NOMO2: variants seen among roughly 807,000 people sequenced by gnomAD.
NOMO2 encodes NODAL modulator 2.
NOMO2 carries 14 observed loss-of-function variants against 67.1 expected under a neutral mutation model. That is an observed-to-expected ratio of 0.21 (90% CI 0.14 to 0.33). The LOEUF (loss-of-function observed/expected upper bound fraction) is 0.33. NOMO2 is among the 10% of genes least tolerant of loss of function. The probability of loss-of-function intolerance (pLI) is 1.00; values close to 1 mark genes in which losing one functional copy is unlikely to be tolerated. For synonymous variants in NOMO2, 80 were observed against 305.9 expected (o/e 0.26, Z 7.71); for missense variants, 178 against 761.0 (o/e 0.23, Z 9.01).
At chr16:18,539,600 T>C (rs544032023) in intron 9 of NOMO2, among the ~76,000 whole-genome samples, 28 of 151,906 alleles carry the variant, frequency 1.8e-4, no homozygotes, top group African/African-American at 6.3e-4. Flanking sequence ...CCACTAAAAA[T>C]ACAAAAATTA....
At chr16:18,560,541 T>C (rs998110731) in intron 1 of NOMO2, among the ~76,000 whole-genome samples, 2 of 151,592 alleles carry the variant, frequency 1.3e-5, no homozygotes, top group African/African-American at 4.9e-5. Context: ...CCCAGAAACA[T>C]GTACCCAGGA....
intron 1 of NOMO2, among the ~76,000 whole-genome samples, chr16:18,561,173 TAAAAAAAAAAAAAAAAAA>T (rs756246897): frequency 1.5e-4 from 5 of 32,454 alleles, no homozygotes; most frequent in Admixed American, 5.4e-4. Context: ...ACAACTTAAT[TAAAAAAAAAAAAAAAAAA>T]AAAAAAAAAA....
Position 18,561,859 on chromosome 16 carries a change from G to A in NOMO2, c.165+17C>T. On this transcript the variant is annotated intron_variant, in intron 1 of 30. Transcript: ENST00000622306. ...CGGCCCGGCGACTCGGCGCCGGGCG[G>A]CGGGGCGGGCGCTCACCTCGATGAG... is the stretch of plus-strand genomic sequence containing the variant. 2 of 1,544,994 alleles carry A rather than the reference G, an allele frequency of 1.3e-6. No homozygotes were observed. The highest frequency in any genetic ancestry group is 4.9e-5 in the East Asian group (2 of 40,480).
In NOMO2 at chr16:18,547,811, G is replaced by C. The variant is rs968175953; in HGVS notation, c.510-511C>G. Among the ~76,000 whole-genome samples the C allele has an allele frequency of 1.0e-3, 152 of 151,372 alleles. 4 individuals are homozygous for C. Among genetic ancestry groups the C allele is most frequent in the Non-Finnish European group, 1.9e-3 (129 of 67,830 alleles). ...AAACTATGACAAGCTTTGAATCCCA[G>C]AAAAAAGGCTTTAGAGAAACACAGA... On this transcript the variant is annotated intron_variant, in intron 5 of 30. Coordinates refer to ENST00000622306, the MANE Select transcript of NOMO2 (RefSeq NM_173614.4).
chr16:18,529,472 A>G (rs1489148118), intron 15 of NOMO2, 29 bp downstream of exon 15: 1 of 1,611,394 alleles, frequency 6.2e-7, no homozygotes, highest in Non-Finnish European at 8.5e-7. Context: ...GCGCTTTTCC[A>G]AATAAGAGAC....
In NOMO2 at chr16:18,531,617, C is replaced by T. The variant is rs547845028; in HGVS notation, c.1396-10G>A. On this transcript the variant is annotated splice_polypyrimidine_tract_variant and intron_variant, in intron 12 of 30. Coordinates refer to ENST00000622306, the MANE Select transcript of NOMO2 (RefSeq NM_173614.4). The stretch of plus-strand genomic sequence containing the variant: ...CCTCAGGAACCATCACCTGCGGAAA[C>T]GTGGATGGAACGTTAGAGGCTGCAT... The T allele has an allele frequency of 2.8e-5, 45 of 1,612,912 alleles. No homozygotes were observed. The highest frequency in any genetic ancestry group is 9.3e-5 in the African/African-American group (7 of 74,964).
Position 18,531,570 on chromosome 16 carries a change from G to C in NOMO2, c.1433C>G (p.Thr478Arg). Residue 478 changes from threonine to arginine, a missense_variant, in exon 13 of 31, where the codon ACG becomes AGG. By Grantham distance (71) the Thr-to-Arg change is moderately conservative. Coordinates refer to ENST00000622306, the MANE Select transcript of NOMO2 (RefSeq NM_173614.4). Reference protein sequence around the residue: ...VPEAETRAGLTLKPQTFPLTV... With the variant: ...VPEAETRAGLRLKPQTFPLTV... ...AAGAGGAAATGTCTGGGGTTTCAAC[G>C]TCAGCCCTGCTCTGGTTTCTGCCTC... 6.2e-7 allele frequency: 1 copy of C among 1,611,584 alleles called. No homozygotes were observed. The highest frequency in any genetic ancestry group is 8.5e-7 in the Non-Finnish European group (1 of 1,179,338).
chr16:18,507,518 C>T (rs1455542136), intron 28 of NOMO2, among the ~76,000 whole-genome samples: 1 of 54,386 alleles, frequency 1.8e-5, no homozygotes, highest in East Asian at 6.1e-4. Context: ...ATGAGGCCCG[C>T]GGCTGCTTTG....
At chr16:18,534,338 G>C (rs551687410) in intron 11 of NOMO2, among the ~76,000 whole-genome samples, 19 of 149,308 alleles carry the variant, frequency 1.3e-4, no homozygotes, top group African/African-American at 4.6e-4. Context: ...AGTGGTTAAA[G>C]TTAAAAAAAA....
At chr16:18,526,717 A>G (rs1429990104) in intron 16 of NOMO2, among the ~76,000 whole-genome samples, 1 of 151,946 alleles carries the variant, frequency 6.6e-6, no homozygotes, top group Admixed American at 6.6e-5. Context: ...GACAGAAAAT[A>G]GATCAGTGGC....
intron 15 of NOMO2, among the ~76,000 whole-genome samples, chr16:18,528,843 C>T (rs1318626569): frequency 3.3e-5 from 5 of 149,968 alleles, no homozygotes; most frequent in African/African-American, 1.2e-4. Context: ...CGGCACGCAC[C>T]TCTAGTCCCA....
intron 9 of NOMO2, among the ~76,000 whole-genome samples, chr16:18,540,552 T>C (rs1384370876): frequency 3.3e-5 from 5 of 151,356 alleles, no homozygotes; most frequent in Non-Finnish European, 2.9e-5. Flanking sequence ...AGAAGCAAAG[T>C]AAAGGCTTCA....
Position 18,528,882 on chromosome 16 carries a change from C to T in NOMO2, c.1806+619G>A, listed in dbSNP as rs571951996. 3.0e-4 allele frequency among the ~76,000 whole-genome samples: 44 copies of T among 146,522 alleles called. 2 individuals carry two copies. The South Asian group carries it at 5.9e-3, about 20-fold the overall frequency. Reference sequence around the variant, plus strand: ...ACTCGGGGGGCTGAAGCAGGAGAATCGCTTGAACTCGGGAGGCGGAGGTTT... The same window carrying T: ...ACTCGGGGGGCTGAAGCAGGAGAATTGCTTGAACTCGGGAGGCGGAGGTTT... On this transcript the variant is annotated intron_variant, in intron 15 of 30. Transcript: ENST00000622306.
chr16:18,526,901 G>A (rs573082703), intron 16 of NOMO2, among the ~76,000 whole-genome samples: 1 of 152,012 alleles, frequency 6.6e-6, no homozygotes, highest in East Asian at 1.9e-4. Flanking sequence ...TGCAAATTCT[G>A]CCTCCAAAAA....
chr16:18,560,540 A>T (rs1351680973), intron 1 of NOMO2, among the ~76,000 whole-genome samples: 1 of 151,598 alleles, frequency 6.6e-6, no homozygotes, highest in Non-Finnish European at 1.5e-5. Flanking sequence ...ACCCAGAAAC[A>T]TGTACCCAGG....
chr16:18,543,661 T>C lies in NOMO2; in HGVS notation c.691A>G (p.Lys231Glu). ...GSVRSDGEPM[K>E]GVKFLLFSSL... ...GAAAAGAGAAGAAACTTCACCCCTT[T>C]CATGGGCTCCCCATCACTTCGGACA... The change falls in exon 7 of 31, where the codon AAA becomes GAA. Residue 231 changes from lysine (K) to glutamate (E), a missense_variant. Coordinates refer to ENST00000622306, the MANE Select transcript of NOMO2 (RefSeq NM_173614.4). The C allele has an allele frequency of 1.2e-6, 2 of 1,611,752 alleles. No individual in the cohort carries two copies. Among genetic ancestry groups the C allele is most frequent in the Non-Finnish European group, 1.7e-6 (2 of 1,179,776 alleles).
At chr16:18,539,581 GC>G (rs1901502269) in intron 9 of NOMO2, among the ~76,000 whole-genome samples, 1 of 151,952 alleles carries the variant, frequency 6.6e-6, no homozygotes, top group Non-Finnish European at 1.5e-5. Flanking sequence ...ACATGGTGAA[GC>G]CCTGTCTCCA....
intron 6 of NOMO2, among the ~76,000 whole-genome samples, chr16:18,544,813 A>G (rs1480439692): frequency 1.3e-5 from 2 of 151,688 alleles, no homozygotes; most frequent in Admixed American, 6.6e-5. Flanking sequence ...AAACACAGAG[A>G]AAAGTGTACA....
intron 1 of NOMO2, among the ~76,000 whole-genome samples, chr16:18,559,811 A>T (rs199760280): frequency 6.8e-6 from 1 of 147,950 alleles, no homozygotes; most frequent in Non-Finnish European, 1.5e-5. Context: ...AGAAATAAAG[A>T]ACCCAGTTTT....
Sources: allele counts gnomAD v4.1 joint callset (sites outside exome capture counted in the v4.1 genomes callset), GRCh38; gene constraint gnomAD v4.1.1; transcripts MANE v1.5; gene names NCBI Gene and HGNC (gene_info 2026-07-23, HGNC 2026-07-21).